PARD6G: variants seen among roughly 807,000 people sequenced by gnomAD.
PARD6G encodes the protein par-6 family cell polarity regulator gamma, also known as partitioning defective 6 homolog gamma.
PARD6G carries 7 observed loss-of-function variants against 10.7 expected under a neutral mutation model. The ratio of observed to expected loss-of-function variants is 0.66; its 90% CI spans 0.37 to 1.23. PARD6G has a LOEUF of 1.23. PARD6G is among the 50% of genes most tolerant of loss of function. PARD6G has a pLI of 0.02. For synonymous variants in PARD6G, 287 were observed against 269.4 expected (o/e 1.07, Z -0.64); for missense variants, 548 against 571.8 (o/e 0.96, Z 0.42).
chr18:80,171,242 C>T (rs1284374082), intron 2 of PARD6G: 2 of 152,282 alleles, frequency 1.3e-5, no homozygotes, highest in African/African-American at 2.4e-5. Context: ...TGCCCTCCCT[C>T]CAAGTCCTCC....
At chr18:80,236,155 G>A (rs916514937) in intron 1 of PARD6G, among the ~76,000 whole-genome samples, 4 of 152,138 alleles carry the variant, frequency 2.6e-5, no homozygotes, top group Non-Finnish European at 4.4e-5. Context: ...TATCCACCAC[G>A]ATCAATTGGG....
chr18:80,203,987 A>T (rs1967033363), intron 1 of PARD6G, among the ~76,000 whole-genome samples: 1 of 152,066 alleles, frequency 6.6e-6, no homozygotes, highest in Non-Finnish European at 1.5e-5. Context: ...GGAAACATCT[A>T]GGGACTAACC....
chr18:80,195,411 T>A (rs1051936220), intron 2 of PARD6G, among the ~76,000 whole-genome samples: 9 of 151,514 alleles, frequency 5.9e-5, no homozygotes, highest in Admixed American at 2.0e-4. Flanking sequence ...CTGGCCCCCC[T>A]CGGTGCTATT....
rs1335743255 is a variant in PARD6G at position 80,180,688 on chromosome 18, G to A, written c.296-20082C>T. Among the ~76,000 whole-genome samples the A allele has an allele frequency of 2.0e-5, 3 of 152,188 alleles. No homozygotes were observed. The highest frequency in any genetic ancestry group is 2.1e-4 in the South Asian group (1 of 4,826). ...AGTTCCTGCCAGTGAGCTTGGCAGA[G>A]GCACCACAGGCTCTTGGGTCCCCTC... On this transcript the variant is annotated intron_variant, in intron 2 of 2. Transcript: ENST00000353265. The surrounding 1 kb of genome is among the most constrained non-coding windows in gnomAD (Gnocchi z 5.6).
In PARD6G at chr18:80,188,578, G is replaced by A. The variant is rs2052892075; in HGVS notation, c.295+14132C>T. Among the ~76,000 whole-genome samples, 1 of 152,168 alleles carries A rather than the reference G, an allele frequency of 6.6e-6. No homozygotes were observed. Among genetic ancestry groups the A allele is most frequent in the African/African-American group, 2.4e-5 (1 of 41,434 alleles). On this transcript the variant is annotated intron_variant, in intron 2 of 2. Transcript: ENST00000353265. This position sits in a 1 kb window ranked among gnomAD's most constrained non-coding sequence, Gnocchi z 5.4. ...AGCACAACCATCCCAGCCCTCCTCG[G>A]ATGCCCAGTTCGCCAGAGGAAGGGT...
At chr18:80,164,177 G>A (rs1340599796) in intron 2 of PARD6G, among the ~76,000 whole-genome samples, 3 of 152,170 alleles carry the variant, frequency 2.0e-5, no homozygotes, top group African/African-American at 7.2e-5. Context: ...GCTAGAATGG[G>A]TGCCCAACAG....
In PARD6G at chr18:80,192,400, C is replaced by T. The variant is rs1316128698; in HGVS notation, c.295+10310G>A. ...GGCCTCAACTGAATGCCAACCCTAA[C>T]TGAAGCCACTGCCCAGTGGGAGCCC... On this transcript the variant is annotated intron_variant, in intron 2 of 2. Transcript: ENST00000353265. The surrounding 1 kb of genome is among the most constrained non-coding windows in gnomAD (Gnocchi z 4.9). Among the ~76,000 whole-genome samples, 6 of 151,982 alleles carry T rather than the reference C, an allele frequency of 3.9e-5. No homozygotes were observed. Among genetic ancestry groups the T allele is most frequent in the African/African-American group, 1.2e-4 (5 of 41,296 alleles).
In PARD6G at chr18:80,181,436, C is replaced by T. The variant is rs116476993; in HGVS notation, c.296-20830G>A. Among the ~76,000 whole-genome samples the T allele has an allele frequency of 2.1e-4, 32 of 152,272 alleles. No homozygotes were observed. Among genetic ancestry groups the T allele is most frequent in the African/African-American group, 6.3e-4 (26 of 41,534 alleles). Reference sequence around the variant, plus strand: ...TTGCACACCCAGGTCACCAGGGACACGGTGACATGCCGCTGTGAGCCCTCA... The same window carrying T: ...TTGCACACCCAGGTCACCAGGGACATGGTGACATGCCGCTGTGAGCCCTCA... On this transcript the variant is annotated intron_variant, in intron 2 of 2. Coordinates refer to ENST00000353265, the MANE Select transcript of PARD6G (RefSeq NM_032510.4). The surrounding 1 kb of genome is among the most constrained non-coding windows in gnomAD (Gnocchi z 7.9).
intron 2 of PARD6G, among the ~76,000 whole-genome samples, chr18:80,185,983 CATAT>C (rs2052873641): frequency 7.3e-6 from 1 of 137,494 alleles, no homozygotes; most frequent in African/African-American, 2.8e-5. Flanking sequence ...CTCACACACG[CATAT>C]ACCCTCAGAC....
chr18:80,236,289 C>T (rs1406782614), intron 1 of PARD6G, among the ~76,000 whole-genome samples: 2 of 152,226 alleles, frequency 1.3e-5, no homozygotes, highest in South Asian at 4.1e-4. Context: ...AGGCCTTTGA[C>T]AAAATTCAAC....
chr18:80,245,424 G>A (rs12961654), intron 1 of PARD6G, among the ~76,000 whole-genome samples: 26,640 of 152,102 alleles, frequency 0.18, 2,983 homozygotes, highest in African/African-American at 0.31. Flanking sequence ...GGGGAAAACT[G>A]CTCTGCACCT....
intron 2 of PARD6G, among the ~76,000 whole-genome samples, chr18:80,177,811 A>G (rs1311161956): frequency 3.3e-5 from 5 of 152,044 alleles, no homozygotes; most frequent in African/African-American, 9.7e-5. Flanking sequence ...ACACACATAC[A>G]TACATGCAAA....
chr18:80,213,657 T>TC (rs1412111057), intron 1 of PARD6G, among the ~76,000 whole-genome samples: 2 of 152,144 alleles, frequency 1.3e-5, no homozygotes, highest in African/African-American at 4.8e-5. Flanking sequence ...AAGGTCCTAT[T>TC]CTTTAAAATG....
Position 80,246,890 on chromosome 18 carries a change from C to T in PARD6G, c.72+387G>A, listed in dbSNP as rs1424469607. 6.6e-6 allele frequency among the ~76,000 whole-genome samples: 1 copy of T among 152,118 alleles called. No homozygotes were observed. Among genetic ancestry groups the T allele is most frequent in the African/African-American group, 2.4e-5 (1 of 41,418 alleles). ...CACGGCCCGGGCCCCCAGAGCCCCCCCACGGCCCCGAATCCGAGCAGCCCC... is the reference window on the plus strand; with the variant it reads ...CACGGCCCGGGCCCCCAGAGCCCCCTCACGGCCCCGAATCCGAGCAGCCCC... On this transcript the variant is annotated intron_variant, in intron 1 of 2. Transcript: ENST00000353265. This position sits in a 1 kb window ranked among gnomAD's most constrained non-coding sequence, Gnocchi z 6.7.
rs1967562619 is a variant in PARD6G at position 80,247,173 on chromosome 18, C to T, written c.72+104G>A. The T allele has an allele frequency of 2.3e-6, 2 of 859,478 alleles. No homozygotes were observed. The highest frequency in any genetic ancestry group is 3.3e-6 in the Non-Finnish European group (2 of 600,842). The allele number at this position is 859,478 out of a possible 1,614,324, so 53.2% of individuals were successfully genotyped here. A position where few individuals can be genotyped will look rare whatever the true frequency, so the allele number is the denominator to read the frequency against. ...GGCGCCCGAACTGGAAAGTTGTCGC[C>T]GGCGCCTGTCGCCTCCACGCCGCCC... On this transcript the variant is annotated intron_variant, in intron 1 of 2. Transcript: ENST00000353265. The surrounding 1 kb of genome is among the most constrained non-coding windows in gnomAD (Gnocchi z 4.2).
Position 80,159,906 on chromosome 18 carries a change from C to G in PARD6G, c.996G>C (p.Ala332=). Residue 332 remains alanine, a synonymous_variant, in exon 3 of 3, where the codon GCG becomes GCC. Transcript: ENST00000353265. ...GGGCCAGGTCCCGCTGCAGCCGCTG[C>G]GCCAGGCCCGCGCCATTGACCCGGG... ...SLSRVNGAGL[A]QRLQRDLALD... The G allele has an allele frequency of 6.6e-7, 1 of 1,513,564 alleles. No individual in the cohort carries two copies. The highest frequency in any genetic ancestry group is 8.8e-7 in the Non-Finnish European group (1 of 1,137,574). The allele number at this position is 1,513,564 out of a possible 1,614,324, so 93.8% of individuals were successfully genotyped here. A position where few individuals can be genotyped will look rare whatever the true frequency, so the allele number is the denominator to read the frequency against.
At chr18:80,187,089 T>A (rs1293947165) in intron 2 of PARD6G, among the ~76,000 whole-genome samples, 7 of 148,598 alleles carry the variant, frequency 4.7e-5, no homozygotes, top group Non-Finnish European at 4.5e-5. Context: ...AGAGTAAGAC[T>A]CTGTCTCAAG....
At chr18:80,244,089 C>T (rs1172693779) in intron 1 of PARD6G, among the ~76,000 whole-genome samples, 6 of 152,088 alleles carry the variant, frequency 3.9e-5, no homozygotes, top group Admixed American at 6.6e-5. Context: ...CTCCATTTAC[C>T]GCCCCCTGTA....
rs376264789 is a variant in PARD6G at position 80,201,794 on chromosome 18, G to A, written c.295+916C>T. On this transcript the variant is annotated intron_variant, in intron 2 of 2. Transcript: ENST00000353265. The surrounding 1 kb of genome is among the most constrained non-coding windows in gnomAD (Gnocchi z 5.9). Reference sequence around the variant, plus strand: ...TTGCAAAGCAGGACGCTGGGGTGAAGGAGGCGGAGGGCCTCGTCTGAGAAC... The same window carrying A: ...TTGCAAAGCAGGACGCTGGGGTGAAAGAGGCGGAGGGCCTCGTCTGAGAAC... Among the ~76,000 whole-genome samples the A allele has an allele frequency of 1.3e-5, 2 of 152,350 alleles. No homozygotes were observed. The highest frequency in any genetic ancestry group is 3.9e-4 in the East Asian group (2 of 5,184).
Sources: gnomAD v4.1 joint callset for allele counts (sites outside exome capture counted in the v4.1 genomes callset) on GRCh38, gnomAD v4.1.1 for gene constraint, Gnocchi (gnomAD v3.1) non-coding constraint, MANE v1.5 for transcripts, NCBI Gene and HGNC (gene_info 2026-07-23, HGNC 2026-07-21) for gene names.